CHN2: variants seen among roughly 807,000 people sequenced by gnomAD.
The protein encoded by CHN2 is beta-chimaerin.
A neutral mutation model predicts 56.3 loss-of-function variants in CHN2; 35 were observed. The ratio of observed to expected loss-of-function variants is 0.62; its 90% CI spans 0.47 to 0.82. The LOEUF (loss-of-function observed/expected upper bound fraction) is 0.82. Ranked by LOEUF, CHN2 falls within the 40% of genes least tolerant of loss-of-function variation. CHN2 has a pLI of 0.00. For synonymous variants in CHN2, 210 were observed against 212.8 expected (o/e 0.99, Z 0.12); for missense variants, 491 against 580.5 (o/e 0.85, Z 1.58).
intron 1 of CHN2, among the ~76,000 whole-genome samples, chr7:29,316,470 G>T (rs1468698396): frequency 2.6e-5 from 4 of 152,214 alleles, no homozygotes; most frequent in African/African-American, 7.2e-5. Context: ...TGGTAAAAAA[G>T]CCTGATTAGA....
At chr7:29,415,172 C>T (rs1430225103) in intron 6 of CHN2, among the ~76,000 whole-genome samples, 2 of 152,220 alleles carry the variant, frequency 1.3e-5, no homozygotes, top group African/African-American at 2.4e-5. Context: ...TTCAGTAAGG[C>T]AGCTCCTGGG....
chr7:29,507,334 T>G lies in CHN2; in HGVS notation c.1098T>G (p.Tyr366Ter), dbSNP rs1336211981. 4 of 1,610,918 alleles carry G rather than the reference T, an allele frequency of 2.5e-6. No individual in the cohort carries two copies. Reference protein sequence around the residue: ...FRDLPIPVITYDTYSKFIDAA... With the variant: ...FRDLPIPVIT Reference sequence around the variant, plus strand: ...ACTTACCCATCCCTGTCATCACATATGATACCTATTCCAAATTTATAGATG... The same window carrying G: ...ACTTACCCATCCCTGTCATCACATAGGATACCTATTCCAAATTTATAGATG... Residue 366 changes from tyrosine to a stop codon, truncating the protein, a stop_gained, in exon 11 of 13, where the codon TAT (tyrosine) becomes TAG (stop). Coordinates refer to ENST00000222792, the MANE Select transcript of CHN2 (RefSeq NM_004067.4). LOFTEE classifies it high-confidence loss of function.
At chr7:29,333,790 C>T (rs111341811) in intron 1 of CHN2, among the ~76,000 whole-genome samples, 1 of 152,026 alleles carries the variant, frequency 6.6e-6, no homozygotes, top group Non-Finnish European at 1.5e-5. Flanking sequence ...CAGTGGCTGC[C>T]GGAAGCAGTA....
At chr7:29,447,305 C>T (rs960110250) in intron 6 of CHN2, among the ~76,000 whole-genome samples, 9 of 152,222 alleles carry the variant, frequency 5.9e-5, no homozygotes, top group South Asian at 2.1e-4. Flanking sequence ...AAAATTCTAA[C>T]GCCTAAGATG....
At chr7:29,447,955 G>A (rs951633983) in intron 6 of CHN2, among the ~76,000 whole-genome samples, 2 of 152,198 alleles carry the variant, frequency 1.3e-5, no homozygotes, top group Admixed American at 6.5e-5. Flanking sequence ...GGTTTAGATA[G>A]TCTGGGATGA....
intron 1 of CHN2, among the ~76,000 whole-genome samples, chr7:29,222,127 T>C (rs1201780220): frequency 6.6e-6 from 1 of 151,942 alleles, no homozygotes; most frequent in Admixed American, 6.6e-5. Flanking sequence ...ACAAAAAGAA[T>C]AAAATACCTA....
intron 1 of CHN2, chr7:29,213,246 A>C: frequency 9.8e-7 from 1 of 1,022,882 alleles, no homozygotes; most frequent in Non-Finnish European, 1.5e-6. Flanking sequence ...ACTCAGTTTC[A>C]CTCTGGGTAG....
At chr7:29,324,826 AC>A (rs768947728) in intron 1 of CHN2, among the ~76,000 whole-genome samples, 1 of 152,180 alleles carries the variant, frequency 6.6e-6, no homozygotes, top group Non-Finnish European at 1.5e-5. Flanking sequence ...AATTTGATCC[AC>A]TGTACATGGA....
chr7:29,449,131 TAGC>T (rs1320348015), intron 6 of CHN2, among the ~76,000 whole-genome samples: 2 of 152,176 alleles, frequency 1.3e-5, no homozygotes, highest in Non-Finnish European at 2.9e-5. Flanking sequence ...AAGTTAAACT[TAGC>T]AGAATAAACC....
intron 1 of CHN2, among the ~76,000 whole-genome samples, chr7:29,258,473 C>T (rs934231487): frequency 2.0e-5 from 3 of 152,122 alleles, no homozygotes; most frequent in Non-Finnish European, 1.5e-5. Context: ...TTTCTCTGCT[C>T]GCCTCATCTT....
intron 1 of CHN2, among the ~76,000 whole-genome samples, chr7:29,205,226 T>TG (rs1289380909): frequency 6.6e-6 from 1 of 152,218 alleles, no homozygotes; most frequent in Non-Finnish European, 1.5e-5. Context: ...TAGAGCGAAT[T>TG]GGTGTTTCTT....
At chr7:29,472,394 G>A (rs890565231) in intron 6 of CHN2, among the ~76,000 whole-genome samples, 1 of 152,024 alleles carries the variant, frequency 6.6e-6, no homozygotes, top group Non-Finnish European at 1.5e-5. Context: ...CCCACAGAGC[G>A]TGAAAACAAA....
At chr7:29,371,912 T>G (rs1391845581) in intron 3 of CHN2, among the ~76,000 whole-genome samples, 1 of 152,144 alleles carries the variant, frequency 6.6e-6, no homozygotes, top group Non-Finnish European at 1.5e-5. Flanking sequence ...CTTGCCTGGA[T>G]TTCATTGCAG....
intron 1 of CHN2, among the ~76,000 whole-genome samples, chr7:29,217,562 A>G (rs143813615): frequency 1.3e-5 from 2 of 152,348 alleles, no homozygotes; most frequent in Non-Finnish European, 2.9e-5. Flanking sequence ...AAAATAGAAA[A>G]TTAATCTTCA....
At chr7:29,480,411 C>G (rs1787063880) in intron 7 of CHN2, 55 bp downstream of exon 7, 1 of 1,534,514 alleles carries the variant, frequency 6.5e-7, no homozygotes, top group Non-Finnish European at 9.0e-7. Flanking sequence ...TGGAAAGGTA[C>G]AGTGTATAGT....
chr7:29,467,250 T>C (rs549552555), intron 6 of CHN2, among the ~76,000 whole-genome samples: 1 of 152,336 alleles, frequency 6.6e-6, no homozygotes, highest in African/African-American at 2.4e-5. Flanking sequence ...ATTAATATTT[T>C]GAAACTCTTT....
intron 2 of CHN2, among the ~76,000 whole-genome samples, chr7:29,168,511 A>G (rs1411106000): frequency 1.3e-5 from 2 of 151,972 alleles, no homozygotes; most frequent in African/African-American, 4.8e-5. Context: ...CATTCCTCCC[A>G]CCCCTGGATT....
intron 1 of CHN2, among the ~76,000 whole-genome samples, chr7:29,207,137 TA>T (rs1210454784): frequency 1.3e-4 from 20 of 152,230 alleles, no homozygotes; most frequent in Admixed American, 1.3e-3. Flanking sequence ...GCCATTACTT[TA>T]AGAAAGCATA....
At chr7:29,186,217 C>T (rs568646105) in intron 2 of CHN2, among the ~76,000 whole-genome samples, 349 of 152,012 alleles carry the variant, frequency 2.3e-3, no homozygotes, top group African/African-American at 7.7e-3. Flanking sequence ...TATGAGTTCC[C>T]CAGAGCCTGG....
Sources: allele counts gnomAD v4.1 joint callset (sites outside exome capture counted in the v4.1 genomes callset), GRCh38; gene constraint gnomAD v4.1.1; transcripts MANE v1.5; gene names NCBI Gene and HGNC (gene_info 2026-07-23, HGNC 2026-07-21).